The following RABGAP1L variants were observed in gnomAD, a reference collection of about 807,000 sequenced individuals.
RABGAP1L encodes the protein rab GTPase-activating protein 1-like.
Under a neutral mutation model 137.7 loss-of-function variants are expected in RABGAP1L, and 63 were observed. The ratio of observed to expected loss-of-function variants is 0.46; its 90% CI spans 0.37 to 0.56. The LOEUF is 0.56. RABGAP1L is among the 20% of genes least tolerant of loss of function. The probability of loss-of-function intolerance (pLI) is 0.00; values close to 1 mark genes in which losing one functional copy is unlikely to be tolerated. For synonymous variants in RABGAP1L, 431 were observed against 433.7 expected, an observed-to-expected ratio of 0.99 and a Z score of 0.08; for missense variants, 1,095 against 1,244.0, an observed-to-expected ratio of 0.88 and a Z score of 1.80.
At chr1:174,847,486 A>T (rs1248225273) in intron 19 of RABGAP1L, among the ~76,000 whole-genome samples, 1 of 149,984 alleles carries the variant, frequency 6.7e-6, no homozygotes, top group Non-Finnish European at 1.5e-5. Flanking sequence ...TTCACTTTTG[A>T]AGCTTAGTTT....
chr1:174,771,071 A>G (rs561778856), intron 18 of RABGAP1L, among the ~76,000 whole-genome samples: 2 of 152,322 alleles, frequency 1.3e-5, no homozygotes, highest in East Asian at 3.9e-4. Flanking sequence ...CTAACCTGAG[A>G]ATAGGACATG....
At chr1:174,707,069 A>G (rs903408603) in intron 17 of RABGAP1L, among the ~76,000 whole-genome samples, 2 of 152,184 alleles carry the variant, frequency 1.3e-5, no homozygotes, top group African/African-American at 4.8e-5. Context: ...GTGAGTACAC[A>G]TCAAGGAGTA....
At position 174,233,211 on chromosome 1, in the gene RABGAP1L, AAAG is replaced by A. The variant is rs1302754098; in HGVS notation, c.542+1861_542+1863del. ...CTCCCTTCTCTCTCTTCATTCATCAAAAGAAGATGCAGATTTGTGTGTATGTGT... is the reference window on the plus strand; with the variant it reads ...CTCCCTTCTCTCTCTTCATTCATCAAAAGATGCAGATTTGTGTGTATGTGT... On this transcript the variant is annotated intron_variant, in intron 4 of 25. Transcript: ENST00000681986. Among the ~76,000 whole-genome samples the A allele has an allele frequency of 2.0e-5, 3 of 152,066 alleles. No individual in the cohort carries two copies. The East Asian group carries it at 5.8e-4, about 29-fold the overall frequency.
At chr1:174,410,059 C>T (rs1649740422) in intron 13 of RABGAP1L, among the ~76,000 whole-genome samples, 1 of 152,086 alleles carries the variant, frequency 6.6e-6, no homozygotes, top group Admixed American at 6.5e-5. Flanking sequence ...GTGACCTACT[C>T]CCTGTTTGTA....
At chr1:174,172,723 G>C (rs1359611730) in intron 1 of RABGAP1L, among the ~76,000 whole-genome samples, 2 of 152,044 alleles carry the variant, frequency 1.3e-5, no homozygotes, top group Non-Finnish European at 2.9e-5. Context: ...TTTTGCTGTT[G>C]AGTTGTGAGA....
intron 13 of RABGAP1L, among the ~76,000 whole-genome samples, chr1:174,511,436 G>T (rs1442521642): frequency 6.6e-6 from 1 of 152,090 alleles, no homozygotes; most frequent in Non-Finnish European, 1.5e-5. Context: ...TAGAACACAA[G>T]AAACTAAAAT....
Position 174,372,366 on chromosome 1 carries a change from T to G in RABGAP1L, c.1559+1294T>G, listed in dbSNP as rs183488516. Among the ~76,000 whole-genome samples the G allele has an allele frequency of 2.2e-3, 335 of 152,226 alleles. 1 individual carries two copies. The highest frequency in any genetic ancestry group is 3.2e-3 in the Non-Finnish European group (217 of 67,998). ...ACATTATTCATACAGGGCTGGTGCA[T>G]AGTTACAGCAGTTTGGTTGGTTATA... On this transcript the variant is annotated intron_variant, in intron 12 of 25. Coordinates refer to ENST00000681986, the MANE Select transcript of RABGAP1L (RefSeq NM_001366446.1).
intron 11 of RABGAP1L, among the ~76,000 whole-genome samples, chr1:174,327,698 A>G (rs536840485): frequency 6.6e-6 from 1 of 151,950 alleles, no homozygotes; most frequent in African/African-American, 2.4e-5. Flanking sequence ...GAAAAGACGC[A>G]GAGTGGCTAA....
intron 13 of RABGAP1L, among the ~76,000 whole-genome samples, chr1:174,495,215 C>T (rs1308251392): frequency 6.6e-6 from 1 of 152,148 alleles, no homozygotes; most frequent in African/African-American, 2.4e-5. Context: ...CTCATTGTTT[C>T]AGTGTAACTT....
At chr1:174,673,808 G>C (rs1432390534) in intron 14 of RABGAP1L, among the ~76,000 whole-genome samples, 2 of 152,128 alleles carry the variant, frequency 1.3e-5, no homozygotes, top group Non-Finnish European at 2.9e-5. Context: ...GCATGCTGAA[G>C]TCTGAAAGGC....
intron 11 of RABGAP1L, among the ~76,000 whole-genome samples, chr1:174,341,078 G>A (rs1318868703): frequency 6.6e-6 from 1 of 151,874 alleles, no homozygotes; most frequent in Non-Finnish European, 1.5e-5. Context: ...AGAAGTGTCT[G>A]TTCATGTCCC....
intron 19 of RABGAP1L, among the ~76,000 whole-genome samples, chr1:174,885,680 G>C (rs1288208175): frequency 4.0e-5 from 6 of 149,734 alleles, no homozygotes; most frequent in Admixed American, 2.7e-4. Flanking sequence ...TTAAAATGAT[G>C]ATTAAGACCA....
chr1:174,182,921 A>G (rs1361902718), intron 1 of RABGAP1L, among the ~76,000 whole-genome samples: 2 of 152,182 alleles, frequency 1.3e-5, no homozygotes, highest in African/African-American at 4.8e-5. Context: ...TATATTTATT[A>G]TAGAAAACCA....
chr1:174,860,344 A>G (rs973751344), intron 19 of RABGAP1L, among the ~76,000 whole-genome samples: 18 of 152,102 alleles, frequency 1.2e-4, no homozygotes, highest in African/African-American at 4.3e-4. Context: ...GTACACACCT[A>G]CTGTCCCAGG....
In RABGAP1L at chr1:174,789,736, G is replaced by A. The variant is rs573828961; in HGVS notation, c.2212-22096G>A. ...TGCTAAAGGAAACAGAGGTTCTAAG[G>A]CCCTGTAAAATTATAATATTTCAAA... is the stretch of plus-strand genomic sequence containing the variant. On this transcript the variant is annotated intron_variant, in intron 18 of 25. Coordinates refer to ENST00000681986, the MANE Select transcript of RABGAP1L (RefSeq NM_001366446.1). Among the ~76,000 whole-genome samples, 13 of 152,210 alleles carry A rather than the reference G, an allele frequency of 8.5e-5. No homozygotes were observed. The East Asian group carries it at 2.1e-3, about 25-fold the overall frequency.
chr1:174,606,971 A>G (rs1286318371), intron 13 of RABGAP1L, among the ~76,000 whole-genome samples: 1 of 152,212 alleles, frequency 6.6e-6, no homozygotes, highest in Non-Finnish European at 1.5e-5. Flanking sequence ...AAACCCAAGT[A>G]TTTATGAAGA....
intron 17 of RABGAP1L, among the ~76,000 whole-genome samples, chr1:174,716,410 T>C (rs1262946750): frequency 6.6e-6 from 1 of 152,200 alleles, no homozygotes; most frequent in Non-Finnish European, 1.5e-5. Context: ...GTCTCCCAAG[T>C]AGCTGGGACT....
intron 19 of RABGAP1L, among the ~76,000 whole-genome samples, chr1:174,830,919 C>G (rs1460945086): frequency 6.8e-6 from 1 of 147,972 alleles, no homozygotes; most frequent in Admixed American, 6.8e-5. Flanking sequence ...ACTCTGATTA[C>G]AAGGAGCATC....
At chr1:174,587,020 T>C (rs944118840) in intron 13 of RABGAP1L, among the ~76,000 whole-genome samples, 1 of 151,930 alleles carries the variant, frequency 6.6e-6, no homozygotes, top group Non-Finnish European at 1.5e-5. Context: ...GTTCTTGCGA[T>C]AGTTTACTGA....
Sources: gnomAD v4.1 joint callset for allele counts (sites outside exome capture counted in the v4.1 genomes callset) on GRCh38, gnomAD v4.1.1 for gene constraint, MANE v1.5 for transcripts, NCBI Gene and HGNC (gene_info 2026-07-23, HGNC 2026-07-21) for gene names.